The following PDE1A variants were observed in gnomAD, a reference collection of about 807,000 sequenced individuals.
The protein encoded by PDE1A is phosphodiesterase 1A.
PDE1A carries 35 observed loss-of-function variants against 61.7 expected under a neutral mutation model. The ratio of observed to expected loss-of-function variants is 0.57; its 90% CI spans 0.43 to 0.75. PDE1A has a LOEUF of 0.75. PDE1A is among the 30% of genes least tolerant of loss of function. The pLI is 0.00. For missense variants in PDE1A, 597 were observed against 630.6 expected, an observed-to-expected ratio of 0.95 and a Z score of 0.57; for synonymous variants, 232 against 213.2, an observed-to-expected ratio of 1.09 and a Z score of -0.77.
At chr2:182,260,829 A>G (rs1434933639) in intron 2 of PDE1A, among the ~76,000 whole-genome samples, 1 of 152,116 alleles carries the variant, frequency 6.6e-6, no homozygotes, top group Admixed American at 6.6e-5. Flanking sequence ...TCACCTTTTC[A>G]TCAAATGTTA....
chr2:182,582,366 G>A, the PDE1A span, among the ~76,000 whole-genome samples: 53 of 152,190 alleles, frequency 3.5e-4, 1 homozygote, highest in Admixed American at 2.5e-3. Context: ...TATGCTACAC[G>A]CAGATGGTCA....
intron 2 of PDE1A, among the ~76,000 whole-genome samples, chr2:182,245,224 T>G (rs989109479): frequency 3.9e-5 from 6 of 152,136 alleles, no homozygotes; most frequent in African/African-American, 1.4e-4. Context: ...AAAAATCGAG[T>G]GTATAGTACA....
At chr2:182,394,496 A>C (rs1701592608) in intron 1 of PDE1A, among the ~76,000 whole-genome samples, 1 of 152,162 alleles carries the variant, frequency 6.6e-6, no homozygotes, top group Non-Finnish European at 1.5e-5. Flanking sequence ...GGACACAGCC[A>C]AACCAGACCA....
chr2:182,286,393 A>G (rs185563286), intron 1 of PDE1A, among the ~76,000 whole-genome samples: 26 of 151,978 alleles, frequency 1.7e-4, no homozygotes, highest in Admixed American at 7.2e-4. Context: ...CCTTTCCTTC[A>G]TCATTACAGC....
Position 182,383,139 on chromosome 2 carries a change from G to A in PDE1A, c.53+43439C>T, listed in dbSNP as rs191481142. On this transcript the variant is annotated intron_variant, in intron 1 of 13. Transcript: ENST00000351439. ...AAATAGCTTGGGAATTTCTCATGCCGTCTTTCTAGTAACCTATTCCTCACT... is the reference window on the plus strand; with the variant it reads ...AAATAGCTTGGGAATTTCTCATGCCATCTTTCTAGTAACCTATTCCTCACT... Among the ~76,000 whole-genome samples, 15 of 152,168 alleles carry A rather than the reference G, an allele frequency of 9.9e-5. No individual in the cohort carries two copies. The South Asian group carries it at 1.0e-3, about 11-fold the overall frequency.
At chr2:182,166,486 G>A (rs1195206095), downstream of PDE1A, among the ~76,000 whole-genome samples, 1 of 152,148 alleles carries the variant, frequency 6.6e-6, no homozygotes, top group East Asian at 1.9e-4. Context: ...TGTACCAACA[G>A]CCTCCCGGGA....
rs12475637 is a variant in PDE1A at position 182,376,027 on chromosome 2, C to A, written c.53+50551G>T. On this transcript the variant is annotated intron_variant, in intron 1 of 13. Transcript: ENST00000351439. ...GCAGCATGGGGACCCTGGGCCCTGC[C>A]CATGAAACCATTTTTTCCTCCTAGA... Among the ~76,000 whole-genome samples the A allele has an allele frequency of 5.9e-5, 9 of 152,118 alleles. No homozygotes were observed. The East Asian group carries it at 1.2e-3, about 20-fold the overall frequency.
intron 10 of PDE1A, among the ~76,000 whole-genome samples, chr2:182,195,969 T>C (rs1209633787): frequency 1.3e-5 from 2 of 152,122 alleles, no homozygotes; most frequent in African/African-American, 2.4e-5. Flanking sequence ...GGTTCATTGC[T>C]TATTTACCTC....
the PDE1A span, among the ~76,000 whole-genome samples, chr2:182,590,907 A>T: frequency 6.6e-6 from 1 of 152,218 alleles, no homozygotes; most frequent in African/African-American, 2.4e-5. Context: ...GATCTAAGAC[A>T]TATTTCTAAT....
At chr2:182,439,507 G>A (rs1684655021) in intron 2 of PDE1A, among the ~76,000 whole-genome samples, 1 of 152,016 alleles carries the variant, frequency 6.6e-6, no homozygotes, top group South Asian at 2.1e-4. Context: ...TCCTACAACA[G>A]AAGTGGAGAG....
chr2:182,299,592 G>A (rs1449273851), intron 1 of PDE1A, among the ~76,000 whole-genome samples: 1 of 151,236 alleles, frequency 6.6e-6, no homozygotes, highest in Non-Finnish European at 1.5e-5. Flanking sequence ...CATGGCACAT[G>A]GCAGTCAAAT....
exon 11 of PDE1A, chr2:182,188,979 C>G: frequency 1.2e-6 from 2 of 1,601,868 alleles, no homozygotes; most frequent in Non-Finnish European, 1.7e-6. Context: ...TCAGAATTAC[C>G]TATTTGTGAC....
intron 11 of PDE1A, among the ~76,000 whole-genome samples, chr2:182,187,327 T>C (rs192105855): frequency 1.2e-3 from 181 of 152,318 alleles, no homozygotes; most frequent in African/African-American, 4.2e-3. Context: ...CATTGTCCTC[T>C]GGGAGCATTT....
At chr2:182,621,585 ATT>A in the PDE1A span, among the ~76,000 whole-genome samples, 15 of 150,302 alleles carry the variant, frequency 1.0e-4, no homozygotes, top group African/African-American at 2.5e-4. Flanking sequence ...TTAAAAAAAA[ATT>A]TTTTTTTTTG....
the PDE1A span, among the ~76,000 whole-genome samples, chr2:182,630,847 A>T: frequency 6.6e-6 from 1 of 152,110 alleles, no homozygotes; most frequent in Non-Finnish European, 1.5e-5. Flanking sequence ...GACATCATAA[A>T]CACACCAAAA....
Position 182,508,907 on chromosome 2 carries a change from C to A in PDE1A, c.101+13369G>T, listed in dbSNP as rs189117094. Among the ~76,000 whole-genome samples, 79 of 149,838 alleles carry A rather than the reference C, an allele frequency of 5.3e-4. 1 individual carries two copies. In the East Asian group the frequency reaches 0.015, roughly 28 times the overall value. ...CATGTGCCATGCTGGTGCACTGCAC[C>A]CACTAACTCGTCATCTAGCATTAGG... On this transcript the variant is annotated intron_variant, in intron 2 of 14. Coordinates refer to the PDE1A transcript ENST00000410103.
chr2:182,693,452 C>A, the PDE1A span, among the ~76,000 whole-genome samples: 68 of 152,194 alleles, frequency 4.5e-4, 1 homozygote, highest in South Asian at 0.012. Flanking sequence ...TATGTGCTTG[C>A]AGGTCATTTG....
the PDE1A span, among the ~76,000 whole-genome samples, chr2:182,648,511 C>CAAAAAAAGAAAAAAA: frequency 1.3e-5 from 1 of 76,220 alleles, no homozygotes; most frequent in African/African-American, 5.9e-5. Context: ...CCTGTCCCCA[C>CAAAAAAAGAAAAAAA]AAAAAAAAAA....
chr2:182,451,669 A>G (rs1028354473), intron 2 of PDE1A, among the ~76,000 whole-genome samples: 11 of 152,112 alleles, frequency 7.2e-5, no homozygotes, highest in East Asian at 1.9e-4. Flanking sequence ...TCACATGTCA[A>G]TGCAAACTTG....
Sources: gnomAD v4.1 joint callset for allele counts (sites outside exome capture counted in the v4.1 genomes callset) on GRCh38, gnomAD v4.1.1 for gene constraint, MANE v1.5 for transcripts, NCBI Gene and HGNC (gene_info 2026-07-23, HGNC 2026-07-21) for gene names.